Variants in ASTN2 observed in about 807,000 individuals in gnomAD.
ASTN2 encodes the protein astrotactin 2.
A neutral mutation model predicts 139.8 loss-of-function variants in ASTN2; 54 were observed. The ratio of observed to expected loss-of-function variants is 0.39; its 90% CI spans 0.31 to 0.48. The LOEUF (loss-of-function observed/expected upper bound fraction) is 0.48. Ranked by LOEUF, ASTN2 falls within the 20% of genes least tolerant of loss-of-function variation. ASTN2 has a pLI of 0.95. For missense variants in ASTN2, 1,565 were observed against 1,725.1 expected, an observed-to-expected ratio of 0.91 and a Z score of 1.64; for synonymous variants, 756 against 719.5, an observed-to-expected ratio of 1.05 and a Z score of -0.81.
chr9:116,944,734 G>C (rs1238010252), intron 10 of ASTN2, among the ~76,000 whole-genome samples: 1 of 149,658 alleles, frequency 6.7e-6, no homozygotes, highest in Admixed American at 6.7e-5. Context: ...GTACATAGTA[G>C]GGTATGTTTG....
At chr9:117,165,177 A>ATCCCTC (rs150795739) in intron 3 of ASTN2, among the ~76,000 whole-genome samples, 25,255 of 151,774 alleles carry the variant, frequency 0.17, 2,196 homozygotes, top group Non-Finnish European at 0.19. Flanking sequence ...TGCCTATTCC[A>ATCCCTC]TCCCTCTCCC....
At chr9:117,276,133 T>C (rs915852362) in intron 2 of ASTN2, among the ~76,000 whole-genome samples, 5 of 152,198 alleles carry the variant, frequency 3.3e-5, no homozygotes, top group African/African-American at 9.6e-5. Context: ...CTACAATTTA[T>C]TGAGAAATTT....
chr9:117,128,707 A>G (rs559641975), intron 4 of ASTN2, among the ~76,000 whole-genome samples: 162 of 152,312 alleles, frequency 1.1e-3, no homozygotes, highest in African/African-American at 3.8e-3. Flanking sequence ...ATATTAGTCC[A>G]TTTTCAGACT....
At chr9:117,379,797 T>C (rs1199074397) in intron 1 of ASTN2, among the ~76,000 whole-genome samples, 2 of 152,222 alleles carry the variant, frequency 1.3e-5, no homozygotes, top group Non-Finnish European at 2.9e-5. Flanking sequence ...CTATATATTT[T>C]ATCAGAGCTG....
chr9:116,680,143 G>C (rs980166778), intron 16 of ASTN2, among the ~76,000 whole-genome samples: 38 of 152,146 alleles, frequency 2.5e-4, no homozygotes, highest in African/African-American at 8.9e-4. Flanking sequence ...TCATAAAGAA[G>C]AAAAGAGAGA....
chr9:116,558,454 T>C (rs1852744814), intron 19 of ASTN2, among the ~76,000 whole-genome samples: 1 of 152,042 alleles, frequency 6.6e-6, no homozygotes. Flanking sequence ...CAGAATTACA[T>C]AACAGGGTTC....
intron 10 of ASTN2, among the ~76,000 whole-genome samples, chr9:116,919,341 C>T (rs1487041496): frequency 1.3e-5 from 2 of 152,190 alleles, no homozygotes; most frequent in South Asian, 4.1e-4. Context: ...TTCTTCCCAT[C>T]TCTGGGCTTT....
intron 4 of ASTN2, among the ~76,000 whole-genome samples, chr9:117,096,773 G>A (rs1382669419): frequency 6.6e-6 from 1 of 152,104 alleles, no homozygotes; most frequent in Non-Finnish European, 1.5e-5. Flanking sequence ...CAACACGGAG[G>A]GCCTGAGAAG....
chr9:117,013,101 A>G (rs929803765), intron 6 of ASTN2, among the ~76,000 whole-genome samples: 2 of 151,894 alleles, frequency 1.3e-5, no homozygotes, highest in Non-Finnish European at 2.9e-5. Flanking sequence ...ATTTAACTCT[A>G]CAATCACTGC....
chr9:117,143,456 C>T (rs556231124), intron 3 of ASTN2, among the ~76,000 whole-genome samples: 13 of 152,282 alleles, frequency 8.5e-5, no homozygotes, highest in African/African-American at 2.9e-4. Flanking sequence ...GAATAAGCCA[C>T]AGTTTGGAAT....
In ASTN2 at chr9:116,620,548, G is replaced by A. The variant is rs2131828328; in HGVS notation, c.3073-105C>T. 2.9e-6 allele frequency: 4 copies of A among 1,392,316 alleles called. No homozygotes were observed. In the East Asian group the frequency reaches 6.9e-5, roughly 24 times the overall value. 86.2% of individuals were successfully genotyped at this position (1,392,316 alleles called of 1,614,324 possible). ...GTGAGCCATCGAGGGCTTTAGAGTA[G>A]CCCCTTTAAGCACAAGACACCATCT... On this transcript the variant is annotated intron_variant, in intron 17 of 22. Transcript: ENST00000313400.
At chr9:117,079,806 G>C (rs1828377483) in intron 5 of ASTN2, among the ~76,000 whole-genome samples, 1 of 152,252 alleles carries the variant, frequency 6.6e-6, no homozygotes, top group South Asian at 2.1e-4. Context: ...AGCTGCCCTA[G>C]TTATAGAAAC....
intron 19 of ASTN2, among the ~76,000 whole-genome samples, chr9:116,551,339 C>T (rs1852332547): frequency 6.6e-6 from 1 of 152,174 alleles, no homozygotes; most frequent in African/African-American, 2.4e-5. Context: ...TTACCTTTTA[C>T]TGAGAACACT....
At chr9:116,677,067 T>G (rs1456809904) in intron 16 of ASTN2, among the ~76,000 whole-genome samples, 2 of 152,256 alleles carry the variant, frequency 1.3e-5, no homozygotes, top group African/African-American at 4.8e-5. Flanking sequence ...GCACTATGGT[T>G]AAAAGTCAGC....
intron 2 of ASTN2, among the ~76,000 whole-genome samples, chr9:117,287,770 C>G (rs530777367): frequency 6.6e-6 from 1 of 152,290 alleles, no homozygotes; most frequent in Non-Finnish European, 1.5e-5. Flanking sequence ...AAGTTGAAGT[C>G]CTTTAAACAT....
chr9:116,877,216 C>T (rs980279444), intron 10 of ASTN2, among the ~76,000 whole-genome samples: 2 of 152,184 alleles, frequency 1.3e-5, no homozygotes, highest in African/African-American at 4.8e-5. Context: ...CCCCTTCCCT[C>T]CTTTGTTAGG....
intron 1 of ASTN2, among the ~76,000 whole-genome samples, chr9:117,307,423 A>G (rs1835029937): frequency 1.3e-5 from 2 of 152,220 alleles, no homozygotes; most frequent in Admixed American, 1.3e-4. Context: ...GTATTTCTGT[A>G]TGTGTGCACA....
chr9:116,436,457 C>T (rs1847651995), intron 22 of ASTN2, among the ~76,000 whole-genome samples: 1 of 152,172 alleles, frequency 6.6e-6, no homozygotes, highest in Admixed American at 6.5e-5. Flanking sequence ...TACTCAACAA[C>T]TAATTATTTA....
At chr9:116,746,868 T>G (rs566880127) in intron 13 of ASTN2, among the ~76,000 whole-genome samples, 81 of 152,328 alleles carry the variant, frequency 5.3e-4, no homozygotes, top group African/African-American at 1.9e-3. Context: ...TATTCACTGC[T>G]GTGCACCCAG....
Sources: allele counts gnomAD v4.1 joint callset (sites outside exome capture counted in the v4.1 genomes callset), GRCh38; gene constraint gnomAD v4.1.1; transcripts MANE v1.5; gene names NCBI Gene and HGNC (gene_info 2026-07-23, HGNC 2026-07-21).